The following TEX9 variants were observed in gnomAD, a reference collection of about 807,000 sequenced individuals.
TEX9 encodes the protein testis-expressed protein 9.
TEX9 carries 74 observed loss-of-function variants against 59.6 expected under a neutral mutation model. The ratio of observed to expected loss-of-function variants is 1.24; its 90% CI spans 1.03 to 1.51. The LOEUF (loss-of-function observed/expected upper bound fraction) is 1.51, where lower values mean the gene tolerates loss of function less well. Ranked by LOEUF, TEX9 falls within the 40% of genes most tolerant of loss-of-function variation. TEX9 has a pLI of 0.00. For missense variants in TEX9, 522 were observed against 447.8 expected (o/e 1.17, Z -1.49); for synonymous variants, 186 against 152.2 (o/e 1.22, Z -1.64).
intron 1 of TEX9, among the ~76,000 whole-genome samples, chr15:56,302,587 CAT>C (rs1337345538): frequency 4.0e-5 from 6 of 151,506 alleles, no homozygotes; most frequent in African/African-American, 1.5e-4. Flanking sequence ...GAAAGTAAAA[CAT>C]ACTGCCAGAA....
rs199724212 is a variant in TEX9, at chr15:56,365,685, G to C, written c.119+15G>C. The C allele has an allele frequency of 3.1e-6, 5 of 1,613,670 alleles. No homozygotes were observed. The highest frequency in any genetic ancestry group is 3.4e-6 in the Non-Finnish European group (4 of 1,179,836). ...GAAGAATATAAGTAAGAAATTCGGC[G>C]GTTGAACTTTTCCTTCTTTCTTTCA... On this transcript the variant is annotated intron_variant, in intron 2 of 12. Coordinates refer to ENST00000352903, the Ensembl canonical transcript of TEX9.
intron 9 of TEX9, among the ~76,000 whole-genome samples, chr15:56,400,030 A>G (rs146879282): frequency 0.015 from 2,313 of 152,316 alleles, 54 homozygotes; most frequent in Admixed American, 0.062. Context: ...GATGGGGAGA[A>G]ACCAGAGCAG....
intron 1 of TEX9, among the ~76,000 whole-genome samples, chr15:56,313,144 T>A (rs2045666059): frequency 6.6e-6 from 1 of 151,878 alleles, no homozygotes; most frequent in African/African-American, 2.4e-5. Context: ...TATTCCCTTC[T>A]TCTGCCTAAT....
At chr15:56,385,024 A>G (rs2047899011) in intron 4 of TEX9, among the ~76,000 whole-genome samples, 1 of 152,158 alleles carries the variant, frequency 6.6e-6, no homozygotes, top group South Asian at 2.1e-4. Context: ...TTTTGAGTTA[A>G]TTTTTGTATG....
At chr15:56,370,920 G>A (rs576390098) in intron 2 of TEX9, among the ~76,000 whole-genome samples, 11 of 152,230 alleles carry the variant, frequency 7.2e-5, no homozygotes, top group African/African-American at 1.2e-4. Context: ...GCAGTGGCAC[G>A]ATCTTGGCTC....
intron 1 of TEX9, among the ~76,000 whole-genome samples, chr15:56,315,851 T>C (rs2141658948): frequency 6.7e-6 from 1 of 149,650 alleles, no homozygotes; most frequent in East Asian, 1.9e-4. Context: ...TGCTCATTTC[T>C]TTTTATTATT....
chr15:56,415,522 A>C (rs2049631945), intron 10 of TEX9, among the ~76,000 whole-genome samples: 3 of 151,754 alleles, frequency 2.0e-5, no homozygotes. Context: ...GTCAGGTTTG[A>C]AGATCAGACG....
intron 9 of TEX9, chr15:56,408,745 C>T (rs1363284582): frequency 6.6e-6 from 1 of 152,160 alleles, no homozygotes; most frequent in Non-Finnish European, 1.5e-5. Context: ...TCCAGCTCAC[C>T]AACAAGTCCT....
intron 1 of TEX9, among the ~76,000 whole-genome samples, chr15:56,321,186 A>G (rs769095402): frequency 2.8e-4 from 42 of 152,172 alleles, no homozygotes; most frequent in Non-Finnish European, 5.4e-4. Flanking sequence ...ATCAAAGAGG[A>G]ATACAATAAG....
chr15:56,445,359 TAA>T (rs1439511305), intron 12 of TEX9, among the ~76,000 whole-genome samples: 3 of 152,044 alleles, frequency 2.0e-5, no homozygotes, highest in African/African-American at 7.2e-5. Context: ...TTTAATAAAA[TAA>T]GTTTTAAATG....
At chr15:56,394,044 T>C (rs560840284) in intron 7 of TEX9, 121 bp from the exon 8 acceptor site, 5 of 802,132 alleles carry the variant, frequency 6.2e-6, no homozygotes, top group Non-Finnish European at 7.9e-6. Flanking sequence ...CCCTAACAGA[T>C]ATCTCCTATT....
chr15:56,336,614 A>G (rs537177783), intron 1 of TEX9, among the ~76,000 whole-genome samples: 2 of 152,290 alleles, frequency 1.3e-5, no homozygotes, highest in Admixed American at 6.5e-5. Flanking sequence ...GAGATGACAG[A>G]TGGAAATTAG....
chr15:56,413,221 T>C (rs1204262850), intron 10 of TEX9, among the ~76,000 whole-genome samples: 8 of 147,274 alleles, frequency 5.4e-5, no homozygotes, highest in African/African-American at 2.0e-4. Context: ...AATTAAATAA[T>C]TTAATTTATT....
At chr15:56,281,130 T>C (rs1156823203) in intron 1 of TEX9, among the ~76,000 whole-genome samples, 2 of 152,164 alleles carry the variant, frequency 1.3e-5, no homozygotes, top group African/African-American at 2.4e-5. Flanking sequence ...AAATTGCTGG[T>C]AGTTTTGAAT....
intron 1 of TEX9, among the ~76,000 whole-genome samples, chr15:56,355,309 C>T (rs555256464): frequency 1.3e-5 from 2 of 152,208 alleles, no homozygotes; most frequent in East Asian, 3.9e-4. Flanking sequence ...GAGACACTGT[C>T]AAATTACTTT....
At chr15:56,250,299 A>G (rs1410022533) in intron 1 of TEX9, among the ~76,000 whole-genome samples, 1 of 152,242 alleles carries the variant, frequency 6.6e-6, no homozygotes, top group Non-Finnish European at 1.5e-5. Context: ...GTTTAGAGAA[A>G]GAGCAAAAGG....
chr15:56,457,923 T>C, the TEX9 span, among the ~76,000 whole-genome samples: 4 of 152,134 alleles, frequency 2.6e-5, no homozygotes, highest in African/African-American at 9.7e-5. Flanking sequence ...TGTATACAAA[T>C]GTTTACAGCA....
rs1026164033 is a variant in TEX9, at chr15:56,426,254, A to G, written c.964-1351A>G. Among the ~76,000 whole-genome samples, 11 of 151,666 alleles carry G rather than the reference A, an allele frequency of 7.3e-5. No individual in the cohort carries two copies. The East Asian group carries it at 9.7e-4, about 13-fold the overall frequency. On this transcript the variant is annotated intron_variant, in intron 10 of 12. Coordinates refer to ENST00000352903, the Ensembl canonical transcript of TEX9. ...AAGCCAGAATGTTGCAAGCAAGTCT[A>G]CTCTTTTCCCTCCATTCCAAGGGAA...
intron 1 of TEX9, among the ~76,000 whole-genome samples, chr15:56,308,440 C>G (rs1259868260): frequency 6.6e-6 from 1 of 152,006 alleles, no homozygotes; most frequent in Non-Finnish European, 1.5e-5. Context: ...TGTAAGAGTG[C>G]TTTATTCTGG....
Sources: gnomAD v4.1 joint callset for allele counts (sites outside exome capture counted in the v4.1 genomes callset) on GRCh38, gnomAD v4.1.1 for gene constraint, MANE v1.5 for transcripts, NCBI Gene and HGNC (gene_info 2026-07-23, HGNC 2026-07-21) for gene names.